SUPT3H: variants seen among roughly 807,000 people sequenced by gnomAD.
The protein encoded by SUPT3H is SPT3 homolog, SAGA and STAGA complex component.
In SUPT3H, 44 loss-of-function variants were observed where a neutral mutation model predicts 44.3. The ratio of observed to expected loss-of-function variants is 0.99; its 90% CI spans 0.78 to 1.28. The LOEUF (loss-of-function observed/expected upper bound fraction) is 1.28, where lower values mean the gene tolerates loss of function less well. SUPT3H is among the 50% of genes most tolerant of loss of function. SUPT3H has a pLI of 0.00. For missense variants in SUPT3H, 380 were observed against 387.1 expected (o/e 0.98, Z 0.15); for synonymous variants, 124 against 125.6 (o/e 0.99, Z 0.09).
chr6:45,211,983 G>A (rs1264218825), intron 2 of SUPT3H, among the ~76,000 whole-genome samples: 1 of 152,056 alleles, frequency 6.6e-6, no homozygotes, highest in Non-Finnish European at 1.5e-5. Context: ...GACCAAGATA[G>A]CAAAACCCCA....
chr6:45,012,604 C>T (rs4711809), intron 5 of SUPT3H, among the ~76,000 whole-genome samples: 18,241 of 152,114 alleles, frequency 0.12, 1,434 homozygotes, highest in East Asian at 0.27. Flanking sequence ...TGAACACATA[C>T]ATAATAGCCC....
intron 2 of SUPT3H, among the ~76,000 whole-genome samples, chr6:45,292,573 G>A (rs146457293): frequency 4.6e-5 from 7 of 151,660 alleles, no homozygotes; most frequent in African/African-American, 1.7e-4. Flanking sequence ...ATTATCTGCT[G>A]CCTTCAGGAG....
intron 10 of SUPT3H, among the ~76,000 whole-genome samples, chr6:44,908,919 T>C (rs1415877102): frequency 1.3e-5 from 2 of 152,194 alleles, no homozygotes; most frequent in African/African-American, 4.8e-5. Context: ...AAACTCTAAA[T>C]TATAGCATAG....
chr6:45,155,403 T>A (rs1272197890), intron 2 of SUPT3H, among the ~76,000 whole-genome samples: 1 of 152,178 alleles, frequency 6.6e-6, no homozygotes, highest in South Asian at 2.1e-4. Flanking sequence ...GAAAGGGAGA[T>A]GAGGGAAGGG....
chr6:45,139,892 T>C (rs1025422383), intron 2 of SUPT3H, among the ~76,000 whole-genome samples: 2 of 152,046 alleles, frequency 1.3e-5, no homozygotes, highest in African/African-American at 2.4e-5. Flanking sequence ...CAAATTTACC[T>C]CAGCAGAATT....
intron 6 of SUPT3H, among the ~76,000 whole-genome samples, chr6:44,985,212 T>TAAATAAATAAATAAATAAAATA (rs1554195415): frequency 3.5e-5 from 4 of 113,608 alleles, no homozygotes; most frequent in East Asian, 5.2e-4. Flanking sequence ...AATAAATAAA[T>TAAATAAATAAATAAATAAAATA]AAATAAAATA....
chr6:44,952,280 G>A (rs986823001), intron 9 of SUPT3H, among the ~76,000 whole-genome samples: 4 of 152,192 alleles, frequency 2.6e-5, no homozygotes, highest in African/African-American at 4.8e-5. Flanking sequence ...GCTTCAGAAT[G>A]TCTCTGAACA....
At chr6:44,990,663 G>A (rs1365323647) in intron 6 of SUPT3H, among the ~76,000 whole-genome samples, 2 of 152,068 alleles carry the variant, frequency 1.3e-5, no homozygotes, top group Non-Finnish European at 2.9e-5. Flanking sequence ...TACTCTCTAG[G>A]AACAAAGGCT....
chr6:44,968,771 T>C (rs974950784), intron 6 of SUPT3H, among the ~76,000 whole-genome samples: 4 of 152,104 alleles, frequency 2.6e-5, no homozygotes, highest in Non-Finnish European at 4.4e-5. Context: ...TGTCCCCACA[T>C]CACTTTCTTT....
chr6:45,254,886 G>A (rs1773068670), intron 2 of SUPT3H, among the ~76,000 whole-genome samples: 1 of 152,024 alleles, frequency 6.6e-6, no homozygotes, highest in African/African-American at 2.4e-5. Flanking sequence ...ATGCCAACCT[G>A]CTGCATTCCC....
chr6:45,186,693 C>A (rs936099318), intron 2 of SUPT3H, among the ~76,000 whole-genome samples: 1 of 152,160 alleles, frequency 6.6e-6, no homozygotes, highest in African/African-American at 2.4e-5. Flanking sequence ...AGCAGGTACA[C>A]CACTCTTACC....
chr6:45,188,138 T>A (rs1814556817), intron 2 of SUPT3H, among the ~76,000 whole-genome samples: 2 of 152,240 alleles, frequency 1.3e-5, no homozygotes. Flanking sequence ...AGCGGTTGTG[T>A]TTAAGTCATC....
intron 1 of SUPT3H, among the ~76,000 whole-genome samples, chr6:45,374,796 T>C (rs1247341281): frequency 6.6e-6 from 1 of 152,210 alleles, no homozygotes; most frequent in Non-Finnish European, 1.5e-5. Flanking sequence ...AAGGTTTATA[T>C]TCAAAGCAAA....
Position 45,337,260 on chromosome 6 carries a change from ACTTT to A in SUPT3H, c.101+27937_101+27940del, listed in dbSNP as rs553345525. Among the ~76,000 whole-genome samples the A allele has an allele frequency of 9.3e-4, 141 of 151,886 alleles. No individual in the cohort carries two copies. In the Middle Eastern group the frequency reaches 0.01, roughly 11 times the overall value. On this transcript the variant is annotated intron_variant, in intron 2 of 10. Coordinates refer to ENST00000371459, the MANE Select transcript of SUPT3H (RefSeq NM_003599.4). ...CTATTTTGCAATTATAATGTGTGATACTTTCTTTAACCATAAGACTGTCATTTAT... is the reference window on the plus strand; with the variant it reads ...CTATTTTGCAATTATAATGTGTGATACTTTAACCATAAGACTGTCATTTAT...
rs1230626737 is a variant in SUPT3H, at chr6:45,258,995, A to T, written c.101+106206T>A. On this transcript the variant is annotated intron_variant, in intron 2 of 10. Coordinates refer to ENST00000371459, the MANE Select transcript of SUPT3H (RefSeq NM_003599.4). Reference sequence around the variant, plus strand: ...ATAATTTCAAGTACTATGTTACTCTAACAACTGTACTACCAACCAGATTTC... The same window carrying T: ...ATAATTTCAAGTACTATGTTACTCTTACAACTGTACTACCAACCAGATTTC... 2.0e-5 allele frequency among the ~76,000 whole-genome samples: 3 copies of T among 152,276 alleles called. No individual in the cohort carries two copies. In the East Asian group the frequency reaches 5.8e-4, roughly 29 times the overall value.
At chr6:45,075,072 G>T (rs575411166) in intron 3 of SUPT3H, among the ~76,000 whole-genome samples, 1 of 152,022 alleles carries the variant, frequency 6.6e-6, no homozygotes, top group Admixed American at 6.6e-5. Flanking sequence ...ATGATAGCTT[G>T]TCAATTCTCA....
intron 2 of SUPT3H, among the ~76,000 whole-genome samples, chr6:45,145,395 C>T (rs1338106475): frequency 6.6e-6 from 1 of 151,966 alleles, no homozygotes; most frequent in East Asian, 1.9e-4. Context: ...TTCGACAATA[C>T]AAACAAAAAC....
At chr6:45,025,869 C>A (rs540839848) in intron 3 of SUPT3H, among the ~76,000 whole-genome samples, 35 of 127,842 alleles carry the variant, frequency 2.7e-4, no homozygotes, top group African/African-American at 1.1e-3. Flanking sequence ...GATGACAGAG[C>A]GAGACTCCGT....
At chr6:44,942,295 T>TAA (rs201488466) in intron 9 of SUPT3H, among the ~76,000 whole-genome samples, 2 of 142,830 alleles carry the variant, frequency 1.4e-5, no homozygotes, top group South Asian at 2.2e-4. Context: ...GAATAGGTAA[T>TAA]AAAAAAAAAA....
Sources: allele counts gnomAD v4.1 joint callset (sites outside exome capture counted in the v4.1 genomes callset), GRCh38; gene constraint gnomAD v4.1.1; transcripts MANE v1.5; gene names NCBI Gene and HGNC (gene_info 2026-07-23, HGNC 2026-07-21).